ERC1: variants seen among roughly 807,000 people sequenced by gnomAD.
ERC1 encodes RAB6 interacting protein 2.
ERC1 carries 56 observed loss-of-function variants against 132.0 expected under a neutral mutation model. The ratio of observed to expected loss-of-function variants is 0.42; its 90% CI spans 0.34 to 0.53. ERC1 has a LOEUF of 0.53. Among genes scored for constraint, ERC1 ranks in the 20% least tolerant of loss-of-function variants. The pLI is 0.03. For missense variants in ERC1, 1,202 were observed against 1,349.9 expected, an observed-to-expected ratio of 0.89 and a Z score of 1.72; for synonymous variants, 478 against 476.1, an observed-to-expected ratio of 1.00 and a Z score of -0.05.
chr12:1,262,213 C>T lies in ERC1; in HGVS notation c.2488-821C>T, dbSNP rs114242234. Among the ~76,000 whole-genome samples the T allele has an allele frequency of 3.1e-3, 475 of 152,270 alleles. 5 individuals are homozygous for T. The highest frequency in any genetic ancestry group is 0.011 in the African/African-American group (454 of 41,548). ...CATAAGAAGTTAAAGAAGGAAGTGC[C>T]TATAATAACCTGATGACTGCAGTTC... is the stretch of plus-strand genomic sequence containing the variant. On this transcript the variant is annotated intron_variant, in intron 13 of 18. Transcript: ENST00000360905.
Position 1,314,472 on chromosome 12 carries a change from T to A in ERC1, c.2780+24460T>A, listed in dbSNP as rs1014118645. On this transcript the variant is annotated intron_variant, in intron 15 of 18. Transcript: ENST00000360905. Reference sequence around the variant, plus strand: ...TGAGTGTAAAGATAGTCTGAAGTAGTAAACGAGGGCAACTAGGTGTATTTA... The same window carrying A: ...TGAGTGTAAAGATAGTCTGAAGTAGAAAACGAGGGCAACTAGGTGTATTTA... Among the ~76,000 whole-genome samples the A allele has an allele frequency of 3.3e-5, 5 of 152,268 alleles. No homozygotes were observed. The East Asian group carries it at 7.7e-4, about 23-fold the overall frequency.
chr12:1,330,204 A>G (rs528430012), intron 15 of ERC1, among the ~76,000 whole-genome samples: 63 of 152,352 alleles, frequency 4.1e-4, no homozygotes, highest in Admixed American at 9.1e-4. Context: ...AGAAAGGCCT[A>G]TAAGGAAAAG....
intron 7 of ERC1, 48 bp downstream of exon 7, chr12:1,116,081 T>C (rs766025080): frequency 4.6e-6 from 7 of 1,522,762 alleles, no homozygotes; most frequent in East Asian, 2.3e-5. Context: ...TTGGCACCTT[T>C]TCATAAGCGT....
At chr12:1,270,458 T>G (rs1301345935) in intron 14 of ERC1, among the ~76,000 whole-genome samples, 1 of 152,176 alleles carries the variant, frequency 6.6e-6, no homozygotes, top group Admixed American at 6.5e-5. Context: ...CCCACCCGCC[T>G]CTGCCTCCCA....
chr12:1,263,785 G>A (rs1360558086), intron 14 of ERC1, among the ~76,000 whole-genome samples: 1 of 152,002 alleles, frequency 6.6e-6, no homozygotes, highest in Non-Finnish European at 1.5e-5. Context: ...TGCCTCCCGG[G>A]TTCAAGTGAT....
chr12:1,240,520 A>AG (rs1456960602), intron 13 of ERC1, among the ~76,000 whole-genome samples: 1 of 152,194 alleles, frequency 6.6e-6, no homozygotes, highest in Non-Finnish European at 1.5e-5. Context: ...ATATTTGCGT[A>AG]GCCCTGGAGT....
Position 1,492,663 on chromosome 12 carries a change from TATC to T in ERC1, c.*2437_*2439del, listed in dbSNP as rs1434620260. On this transcript the variant is annotated 3_prime_UTR_variant, in exon 19 of 19. Transcript: ENST00000360905. ...TGAGAAGAAGCATTTCCGGGACCGA[TATC>T]ATCTGTCTGGTCTCTGTGAACAGCA... The T allele has an allele frequency of 4.3e-6, 1 of 231,984 alleles. No homozygotes were observed. Among genetic ancestry groups the T allele is most frequent in the Non-Finnish European group, 8.5e-6 (1 of 117,242 alleles). 14.4% of individuals were successfully genotyped at this position (231,984 alleles called of 1,614,324 possible).
At chr12:1,265,488 T>G (rs916451128) in intron 14 of ERC1, among the ~76,000 whole-genome samples, 2 of 152,244 alleles carry the variant, frequency 1.3e-5, no homozygotes, top group Non-Finnish European at 2.9e-5. Context: ...CATTTACGCC[T>G]TTCTCTGCCT....
At chr12:1,221,044 CTTTTA>C (rs974573976) in intron 12 of ERC1, among the ~76,000 whole-genome samples, 11 of 152,162 alleles carry the variant, frequency 7.2e-5, no homozygotes, top group African/African-American at 2.2e-4. Flanking sequence ...CTCCTTTCTT[CTTTTA>C]TTTTTCCCAT....
At chr12:1,046,181 G>A (rs1971053798) in intron 2 of ERC1, among the ~76,000 whole-genome samples, 1 of 152,124 alleles carries the variant, frequency 6.6e-6, no homozygotes, top group South Asian at 2.1e-4. Context: ...TAAGGGGAAG[G>A]TCAATCTAAC....
chr12:1,292,503 G>T (rs1259710393), intron 15 of ERC1, among the ~76,000 whole-genome samples: 1 of 152,060 alleles, frequency 6.6e-6, no homozygotes, highest in African/African-American at 2.4e-5. Context: ...TTAGAAGACT[G>T]GTCTTCTCTG....
At chr12:1,091,819 CT>C (rs1399007558) in intron 3 of ERC1, among the ~76,000 whole-genome samples, 1 of 152,088 alleles carries the variant, frequency 6.6e-6, no homozygotes. Context: ...AGGAATTTAA[CT>C]GCTGTAATCT....
intron 15 of ERC1, among the ~76,000 whole-genome samples, chr12:1,323,785 A>G (rs73034957): frequency 0.025 from 3,768 of 152,280 alleles, 53 homozygotes; most frequent in Middle Eastern, 0.071. Context: ...GCTTAGAAGG[A>G]ATGATTGTTC....
rs1268518189 is a variant in ERC1, at chr12:1,141,728, C to T, written c.1678C>T (p.His560Tyr). 1.2e-6 allele frequency: 2 copies of T among 1,613,132 alleles called. No homozygotes were observed. Among genetic ancestry groups the T allele is most frequent in the South Asian group, 1.1e-5 (1 of 90,900 alleles). The change falls in exon 8 of 19, where the codon CAT (histidine) becomes TAT (tyrosine). Residue 560 changes from histidine to tyrosine, a missense_variant. Coordinates refer to ENST00000360905, the MANE Select transcript of ERC1 (RefSeq NM_178040.4). ...EEKGTQAGEI[H>Y]DLKDMLDVKE... ...GAAGGGGACACAAGCTGGAGAGATA[C>T]ATGACCTCAAGGACATGTTGGATGT...
At chr12:1,322,200 A>G (rs890261158) in intron 15 of ERC1, among the ~76,000 whole-genome samples, 3 of 142,754 alleles carry the variant, frequency 2.1e-5, no homozygotes, top group Admixed American at 2.1e-4. Flanking sequence ...AATGAGCATA[A>G]TAATAACTAA....
At chr12:1,225,508 G>C (rs569605939) in intron 12 of ERC1, among the ~76,000 whole-genome samples, 8 of 150,784 alleles carry the variant, frequency 5.3e-5, no homozygotes, top group Non-Finnish European at 1.0e-4. Flanking sequence ...TGGTTGATTG[G>C]ATAGGATGAG....
intron 17 of ERC1, among the ~76,000 whole-genome samples, chr12:1,414,598 C>A (rs1350079119): frequency 1.3e-5 from 2 of 152,116 alleles, no homozygotes; most frequent in Non-Finnish European, 2.9e-5. Flanking sequence ...CAGGGAGTTC[C>A]AGAGCAAAGA....
Position 1,253,680 on chromosome 12 carries a change from G to GA in ERC1, c.2488-9345dup, listed in dbSNP as rs1007551241. On this transcript the variant is annotated intron_variant, in intron 13 of 18. Transcript: ENST00000360905. ...AACAAGAGGGAAACTGCATCTCAAA[G>GA]AAAAAAAAAGGCAGTGGAGGGTAGA... is the stretch of plus-strand genomic sequence containing the variant. 4.0e-5 allele frequency among the ~76,000 whole-genome samples: 6 copies of GA among 150,760 alleles called. No homozygotes were observed. In the East Asian group the frequency reaches 5.8e-4, roughly 15 times the overall value.
chr12:1,268,330 T>G (rs1333197714), intron 14 of ERC1, among the ~76,000 whole-genome samples: 1 of 152,252 alleles, frequency 6.6e-6, no homozygotes, highest in Non-Finnish European at 1.5e-5. Context: ...CTTTCACTTG[T>G]ACCTTTTTCC....
Sources: allele counts gnomAD v4.1 joint callset (sites outside exome capture counted in the v4.1 genomes callset), GRCh38; gene constraint gnomAD v4.1.1; transcripts MANE v1.5; gene names NCBI Gene and HGNC (gene_info 2026-07-23, HGNC 2026-07-21).